The following CCDC62 variants were observed in gnomAD, a reference collection of about 807,000 sequenced individuals.
The protein encoded by CCDC62 is coiled-coil domain containing 62.
CCDC62 carries 72 observed loss-of-function variants against 80.8 expected under a neutral mutation model. The ratio of observed to expected loss-of-function variants is 0.89; its 90% CI spans 0.74 to 1.08. The LOEUF (loss-of-function observed/expected upper bound fraction) is 1.08. CCDC62 is among the 50% of genes least tolerant of loss of function. The probability of loss-of-function intolerance (pLI) is 0.00; values close to 1 mark genes in which losing one functional copy is unlikely to be tolerated. For synonymous variants in CCDC62, 286 were observed against 296.5 expected (o/e 0.96, Z 0.36); for missense variants, 704 against 809.4 (o/e 0.87, Z 1.58).
chr12:122,787,338 C>A (rs1406135254), intron 4 of CCDC62, among the ~76,000 whole-genome samples: 7 of 151,898 alleles, frequency 4.6e-5, no homozygotes, highest in African/African-American at 1.7e-4. Flanking sequence ...GTAATGCCAG[C>A]TACTCTGGAG....
chr12:122,799,314 A>G (rs547701814), intron 8 of CCDC62, among the ~76,000 whole-genome samples: 40 of 152,096 alleles, frequency 2.6e-4, no homozygotes, highest in Non-Finnish European at 4.9e-4. Flanking sequence ...CCATCCATCC[A>G]TCCGTCCATC....
chr12:122,794,620 C>T (rs1239201818), intron 6 of CCDC62, among the ~76,000 whole-genome samples: 3 of 152,118 alleles, frequency 2.0e-5, no homozygotes. Flanking sequence ...GATAGATTTG[C>T]ATGTTTCAAT....
intron 9 of CCDC62, among the ~76,000 whole-genome samples, chr12:122,803,049 C>T (rs1173105514): frequency 6.6e-6 from 1 of 151,802 alleles, no homozygotes; most frequent in African/African-American, 2.4e-5. Flanking sequence ...TGTCATGGCT[C>T]TTTTTTTAAA....
chr12:122,789,873 A>T (rs1023429155), intron 5 of CCDC62, among the ~76,000 whole-genome samples: 1 of 152,166 alleles, frequency 6.6e-6, no homozygotes, highest in African/African-American at 2.4e-5. Flanking sequence ...TCCCCTTGAC[A>T]GCAGGAACAG....
chr12:122,792,221 T>G, intron 6 of CCDC62, 100 bp downstream of exon 6: 1 of 555,278 alleles, frequency 1.8e-6, no homozygotes, highest in African/African-American at 2.1e-5. Context: ...TTTTTTTTTT[T>G]GAGACAGGGT....
chr12:122,802,411 T>A lies in CCDC62; in HGVS notation c.1706+559T>A, dbSNP rs549299521. Among the ~76,000 whole-genome samples, 123 of 121,036 alleles carry A rather than the reference T, an allele frequency of 1.0e-3. 1 individual carries two copies. The highest frequency in any genetic ancestry group is 4.0e-3 in the African/African-American group (119 of 29,684). 79.4% of individuals were successfully genotyped at this position (121,036 alleles called of 152,430 possible). A position where few individuals can be genotyped will look rare whatever the true frequency, so the allele number is the denominator to read the frequency against. ...ATATAACGAGACCCTATCTCTACAC[T>A]TTTTTTTTTTTTTTTTTTTGGAGAT... On this transcript the variant is annotated intron_variant, in intron 9 of 12. Coordinates refer to ENST00000253079, the MANE Select transcript of CCDC62 (RefSeq NM_201435.5).
chr12:122,792,851 G>A (rs996123459), intron 6 of CCDC62, among the ~76,000 whole-genome samples: 2 of 152,086 alleles, frequency 1.3e-5, no homozygotes, highest in African/African-American at 4.8e-5. Context: ...TTGTGGGACC[G>A]ATGGTGGACC....
chr12:122,822,921 A>G (rs1489179638), intron 11 of CCDC62, among the ~76,000 whole-genome samples: 1 of 151,926 alleles, frequency 6.6e-6, no homozygotes, highest in African/African-American at 2.4e-5. Context: ...TGCAGTGAAC[A>G]TGGAGTGGAG....
intron 11 of CCDC62, among the ~76,000 whole-genome samples, chr12:122,820,571 C>T (rs1231731578): frequency 4.6e-5 from 7 of 152,088 alleles, no homozygotes; most frequent in African/African-American, 1.2e-4. Context: ...TAGCAAGGCA[C>T]GGTGGTTCAC....
intron 11 of CCDC62, among the ~76,000 whole-genome samples, chr12:122,820,648 A>G (rs2032366199): frequency 6.6e-6 from 1 of 152,088 alleles, no homozygotes; most frequent in African/African-American, 2.4e-5. Flanking sequence ...GTTCCAGACC[A>G]GCCTAGCCAA....
At chr12:122,783,815 C>A (rs1327976429) in intron 3 of CCDC62, among the ~76,000 whole-genome samples, 1 of 152,150 alleles carries the variant, frequency 6.6e-6, no homozygotes, top group Non-Finnish European at 1.5e-5. Flanking sequence ...TCTGTATCCA[C>A]ACACCCAGCC....
At chr12:122,778,835 C>T (rs1437863217) in intron 2 of CCDC62, among the ~76,000 whole-genome samples, 2 of 152,074 alleles carry the variant, frequency 1.3e-5, no homozygotes, top group Non-Finnish European at 2.9e-5. Flanking sequence ...GCCAAGATTG[C>T]GCCACTGCAC....
chr12:122,805,788 G>A (rs1428934514), intron 9 of CCDC62, among the ~76,000 whole-genome samples: 1 of 151,986 alleles, frequency 6.6e-6, no homozygotes, highest in Admixed American at 6.6e-5. Context: ...GGGATTACAG[G>A]TGTGAGCCAC....
In CCDC62 at chr12:122,797,342, A is replaced by T; in HGVS notation, c.808A>T (p.Ile270Phe). ...AAAGAGGAAAGATGAATTGCTTAAT[A>T]TTGCGAAGTCAAAGCAAGAACGCAC... ...REKRKDELLN[I>F]AKSKQERTNS... Residue 270 changes from isoleucine to phenylalanine, a missense_variant, in exon 7 of 13, where the codon ATT (isoleucine) becomes TTT (phenylalanine). Transcript: ENST00000253079. 1 of 1,596,516 alleles carries T rather than the reference A, an allele frequency of 6.3e-7. No homozygotes were observed. Among genetic ancestry groups the T allele is most frequent in the East Asian group, 2.2e-5 (1 of 44,760 alleles).
chr12:122,798,231 C>G, intron 8 of CCDC62, 31 bp downstream of exon 8: 1 of 1,027,872 alleles, frequency 9.7e-7, no homozygotes, highest in Non-Finnish European at 1.5e-6. Context: ...TTAATATGAT[C>G]TTGTATTATA....
chr12:122,798,670 A>C (rs886432211), intron 8 of CCDC62, among the ~76,000 whole-genome samples: 2 of 152,154 alleles, frequency 1.3e-5, no homozygotes, highest in Admixed American at 6.5e-5. Context: ...AATCCCAGCT[A>C]CTTGGGAGGC....
intron 9 of CCDC62, among the ~76,000 whole-genome samples, chr12:122,802,410 CTTT>C (rs752001572): frequency 1.6e-5 from 2 of 126,860 alleles, no homozygotes; most frequent in Admixed American, 7.9e-5. Flanking sequence ...TATCTCTACA[CTTT>C]TTTTTTTTTT....
intron 12 of CCDC62, among the ~76,000 whole-genome samples, chr12:122,823,807 C>A (rs2032504726): frequency 6.6e-6 from 1 of 150,590 alleles, no homozygotes; most frequent in South Asian, 2.1e-4. Flanking sequence ...TCGAGACCAG[C>A]CTGGTCTGTC....
chr12:122,789,760 A>C (rs2030485977), intron 5 of CCDC62, among the ~76,000 whole-genome samples: 1 of 152,180 alleles, frequency 6.6e-6, no homozygotes, highest in South Asian at 2.1e-4. Flanking sequence ...AACTTAAAAG[A>C]TTCAGCATTC....
Sources: gnomAD v4.1 joint callset for allele counts (sites outside exome capture counted in the v4.1 genomes callset) on GRCh38, gnomAD v4.1.1 for gene constraint, MANE v1.5 for transcripts, NCBI Gene and HGNC (gene_info 2026-07-23, HGNC 2026-07-21) for gene names.